KITLG: variants seen among roughly 807,000 people sequenced by gnomAD.
KITLG encodes c-Kit ligand.
Under a neutral mutation model 34.1 loss-of-function variants are expected in KITLG, and 13 were observed. That is an observed-to-expected ratio of 0.38 (90% CI 0.25 to 0.61). The LOEUF is 0.61. KITLG is among the 20% of genes least tolerant of loss of function. The pLI, the probability that KITLG is intolerant of heterozygous loss-of-function variation, is 0.60. For missense variants in KITLG, 292 were observed against 318.9 expected (o/e 0.92, Z 0.64); for synonymous variants, 110 against 104.0 (o/e 1.06, Z -0.35).
chr12:88,528,751 C>G (rs555706477), intron 3 of KITLG, among the ~76,000 whole-genome samples: 3 of 152,070 alleles, frequency 2.0e-5, no homozygotes, highest in Admixed American at 6.6e-5. Flanking sequence ...ACTGATAAAG[C>G]AAATGAGGCA....
chr12:88,518,361 T>C (rs1869531111), intron 4 of KITLG, among the ~76,000 whole-genome samples: 1 of 152,170 alleles, frequency 6.6e-6, no homozygotes, highest in South Asian at 2.1e-4. Flanking sequence ...TACAGACAAT[T>C]TTCCATTTAA....
chr12:88,556,240 G>T (rs1182006985), intron 1 of KITLG, among the ~76,000 whole-genome samples: 1 of 150,130 alleles, frequency 6.7e-6, no homozygotes. Context: ...AAAAGGCAAG[G>T]CTAGAGAGAT....
At chr12:88,522,424 GTC>G (rs552090212) in intron 3 of KITLG, among the ~76,000 whole-genome samples, 1 of 111,276 alleles carries the variant, frequency 9.0e-6, no homozygotes, top group Non-Finnish European at 1.7e-5. Context: ...TAGATGCACA[GTC>G]TTTTTTTTTT....
At chr12:88,532,573 T>G in intron 2 of KITLG, 70 bp from the exon 3 acceptor site, 1 of 1,044,518 alleles carries the variant, frequency 9.6e-7, no homozygotes, top group South Asian at 1.4e-5. Flanking sequence ...TGTAGTGCTT[T>G]GGAGAAAAGC....
intron 1 of KITLG, among the ~76,000 whole-genome samples, chr12:88,550,615 T>C (rs1368936000): frequency 6.6e-6 from 1 of 152,010 alleles, no homozygotes; most frequent in African/African-American, 2.4e-5. Flanking sequence ...GATGAAGGAG[T>C]TGAGGTACAG....
intron 1 of KITLG, among the ~76,000 whole-genome samples, chr12:88,555,853 T>A (rs1871080260): frequency 1.3e-5 from 2 of 152,132 alleles, no homozygotes; most frequent in South Asian, 4.1e-4. Flanking sequence ...ATACATAAGA[T>A]AAAGACAGAA....
chr12:88,534,117 T>A (rs1322015421), intron 2 of KITLG, among the ~76,000 whole-genome samples: 1 of 152,154 alleles, frequency 6.6e-6, no homozygotes, highest in Non-Finnish European at 1.5e-5. Context: ...CGCTGACATA[T>A]TACCTCTATT....
At position 88,492,825 on chromosome 12, in the gene KITLG, T is replaced by C. The variant is rs1479558870; in HGVS notation, c.*4394A>G. ...GCATAAAATTCTTTATTTAGAACAA[T>C]AAAGTATATGTATATATCATGTAAT... is the stretch of plus-strand genomic sequence containing the variant. On this transcript the variant is annotated 3_prime_UTR_variant, in exon 10 of 10. Coordinates refer to ENST00000644744, the MANE Select transcript of KITLG (RefSeq NM_000899.5). The C allele has an allele frequency of 6.6e-6, 1 of 152,352 alleles. No individual in the cohort carries two copies. Among genetic ancestry groups the C allele is most frequent in the South Asian group, 2.1e-4 (1 of 4,832 alleles). The allele number at this position is 152,352 out of a possible 1,614,324, so 9.4% of individuals were successfully genotyped here. A position where few individuals can be genotyped will look rare whatever the true frequency, so the allele number is the denominator to read the frequency against.
At chr12:88,511,657 A>C (rs1380585548) in intron 6 of KITLG, among the ~76,000 whole-genome samples, 1 of 152,172 alleles carries the variant, frequency 6.6e-6, no homozygotes, top group African/African-American at 2.4e-5. Context: ...CTGACCAAAA[A>C]ATAAAATTAT....
intron 1 of KITLG, among the ~76,000 whole-genome samples, chr12:88,565,529 G>T (rs991670399): frequency 6.6e-6 from 1 of 152,172 alleles, no homozygotes; most frequent in Non-Finnish European, 1.5e-5. Context: ...GGAGGCTGAG[G>T]CAGGAGAATC....
At chr12:88,522,282 C>A (rs1869696813) in intron 3 of KITLG, among the ~76,000 whole-genome samples, 1 of 152,054 alleles carries the variant, frequency 6.6e-6, no homozygotes. Context: ...CTGAAATAAA[C>A]CATGTGTTTT....
intron 1 of KITLG, among the ~76,000 whole-genome samples, chr12:88,561,982 T>G (rs1456415393): frequency 6.6e-6 from 1 of 152,198 alleles, no homozygotes; most frequent in East Asian, 1.9e-4. Flanking sequence ...CAGTTTTGCT[T>G]TCCCTTAAGC....
intron 6 of KITLG, among the ~76,000 whole-genome samples, chr12:88,512,995 A>G (rs1869332020): frequency 6.6e-6 from 1 of 151,898 alleles, no homozygotes; most frequent in South Asian, 2.1e-4. Flanking sequence ...GTTAATATAA[A>G]AGACAATATA....
intron 1 of KITLG, among the ~76,000 whole-genome samples, chr12:88,547,188 A>G (rs756701020): frequency 2.0e-5 from 3 of 152,226 alleles, no homozygotes; most frequent in Admixed American, 6.5e-5. Context: ...CTCTATTTAC[A>G]TAGCTAGCCA....
At chr12:88,547,641 T>C (rs1870761726) in intron 1 of KITLG, among the ~76,000 whole-genome samples, 1 of 152,194 alleles carries the variant, frequency 6.6e-6, no homozygotes, top group African/African-American at 2.4e-5. Flanking sequence ...TCCCTGGAAA[T>C]ATATTTCTCT....
intron 1 of KITLG, among the ~76,000 whole-genome samples, chr12:88,572,961 G>A (rs950770537): frequency 1.1e-4 from 17 of 152,038 alleles, no homozygotes; most frequent in Non-Finnish European, 2.1e-4. Flanking sequence ...CTAAAGTTGC[G>A]AGAAATCCAA....
intron 2 of KITLG, among the ~76,000 whole-genome samples, chr12:88,540,309 A>G (rs543796805): frequency 1.3e-5 from 2 of 152,278 alleles, no homozygotes; most frequent in African/African-American, 4.8e-5. Context: ...AATGATAGGT[A>G]GTTAAGGGGT....
chr12:88,524,193 T>G (rs1301109099), intron 3 of KITLG, among the ~76,000 whole-genome samples: 1 of 152,230 alleles, frequency 6.6e-6, no homozygotes, highest in Non-Finnish European at 1.5e-5. Context: ...ACTATCCATC[T>G]GCAGCTCCTC....
chr12:88,559,164 C>T (rs1473569151), intron 1 of KITLG, among the ~76,000 whole-genome samples: 1 of 152,238 alleles, frequency 6.6e-6, no homozygotes, highest in Non-Finnish European at 1.5e-5. Context: ...ATTCTCCTAG[C>T]ATATCCCTCT....
Sources: gnomAD v4.1 joint callset for allele counts (sites outside exome capture counted in the v4.1 genomes callset) on GRCh38, gnomAD v4.1.1 for gene constraint, MANE v1.5 for transcripts, NCBI Gene and HGNC (gene_info 2026-07-23, HGNC 2026-07-21) for gene names.